The following PDGFC variants were observed in gnomAD, a reference collection of about 807,000 sequenced individuals.
PDGFC encodes the protein platelet-derived growth factor C.
Under a neutral mutation model 35.5 loss-of-function variants are expected in PDGFC, and 12 were observed. That is an observed-to-expected ratio of 0.34 (90% CI 0.22 to 0.55). PDGFC has a LOEUF of 0.55. Ranked by LOEUF, PDGFC falls within the 20% of genes least tolerant of loss-of-function variation. The probability of loss-of-function intolerance (pLI) is 0.91; values close to 1 mark genes in which losing one functional copy is unlikely to be tolerated. For synonymous variants in PDGFC, 159 were observed against 148.8 expected, an observed-to-expected ratio of 1.07 and a Z score of -0.50; for missense variants, 322 against 412.4, an observed-to-expected ratio of 0.78 and a Z score of 1.90.
intron 1 of PDGFC, among the ~76,000 whole-genome samples, chr4:156,948,446 C>A (rs1731999593): frequency 6.6e-6 from 1 of 151,994 alleles, no homozygotes. Flanking sequence ...AATTTTAAAT[C>A]TTAAGCCTGA....
chr4:156,827,199 C>T (rs553836280), intron 2 of PDGFC, among the ~76,000 whole-genome samples: 10 of 152,184 alleles, frequency 6.6e-5, no homozygotes, highest in Non-Finnish European at 1.3e-4. Context: ...GGGCGGAACA[C>T]GAGGTCAGGA....
chr4:156,884,753 A>T (rs993659288), intron 1 of PDGFC, among the ~76,000 whole-genome samples: 35 of 152,360 alleles, frequency 2.3e-4, no homozygotes, highest in African/African-American at 8.4e-4. Flanking sequence ...ATTTGTCTAT[A>T]TCCAAATACA....
chr4:156,848,709 A>G (rs555183873), intron 2 of PDGFC, among the ~76,000 whole-genome samples: 1 of 152,170 alleles, frequency 6.6e-6, no homozygotes, highest in South Asian at 2.1e-4. Context: ...GATCACACAT[A>G]GAGAAATATG....
chr4:156,771,377 T>C (rs1009202879), intron 4 of PDGFC, among the ~76,000 whole-genome samples: 4 of 152,166 alleles, frequency 2.6e-5, no homozygotes, highest in Non-Finnish European at 4.4e-5. Context: ...AAGGGCTCTA[T>C]TCATGGATAT....
intron 1 of PDGFC, among the ~76,000 whole-genome samples, chr4:156,962,291 C>G (rs1404438322): frequency 6.6e-6 from 1 of 152,118 alleles, no homozygotes; most frequent in Non-Finnish European, 1.5e-5. Flanking sequence ...TCAGGCTGTT[C>G]CCTCAGCCTA....
chr4:156,956,394 C>A (rs1732210481), intron 1 of PDGFC, among the ~76,000 whole-genome samples: 1 of 152,018 alleles, frequency 6.6e-6, no homozygotes, highest in South Asian at 2.1e-4. Context: ...CCACTCAAGA[C>A]CTACTAAAAT....
At chr4:156,954,080 C>T (rs1385856061) in intron 1 of PDGFC, among the ~76,000 whole-genome samples, 1 of 151,926 alleles carries the variant, frequency 6.6e-6, no homozygotes, top group African/African-American at 2.4e-5. Flanking sequence ...TAGGCATAAC[C>T]TTGTGCAGTC....
chr4:156,957,892 T>C (rs1371462485), intron 1 of PDGFC, among the ~76,000 whole-genome samples: 1 of 151,982 alleles, frequency 6.6e-6, no homozygotes, highest in Non-Finnish European at 1.5e-5. Context: ...ACTTCCTTAC[T>C]GCGCATATCT....
At chr4:156,840,573 C>T (rs931072365) in intron 2 of PDGFC, among the ~76,000 whole-genome samples, 1 of 152,214 alleles carries the variant, frequency 6.6e-6, no homozygotes, top group South Asian at 2.1e-4. Context: ...CAGAAAGTCC[C>T]CACTGGGGCA....
chr4:156,952,352 T>A (rs1560888371), intron 1 of PDGFC, among the ~76,000 whole-genome samples: 1 of 151,898 alleles, frequency 6.6e-6, no homozygotes, highest in Admixed American at 6.6e-5. Flanking sequence ...TATTTGTTGT[T>A]ATTAAACCGC....
At chr4:156,821,173 G>A (rs1579031439) in intron 2 of PDGFC, among the ~76,000 whole-genome samples, 1 of 85,548 alleles carries the variant, frequency 1.2e-5, no homozygotes, top group Admixed American at 1.1e-4. Flanking sequence ...TGTTGTATGT[G>A]TGTGTGTGTG....
chr4:156,822,358 A>AG (rs2110982054), intron 2 of PDGFC, among the ~76,000 whole-genome samples: 1 of 131,708 alleles, frequency 7.6e-6, no homozygotes, highest in Admixed American at 7.1e-5. Flanking sequence ...AACTGTCTCA[A>AG]AAAAAAAAAA....
intron 2 of PDGFC, among the ~76,000 whole-genome samples, chr4:156,824,925 T>C (rs1035139050): frequency 1.3e-5 from 2 of 152,194 alleles, no homozygotes; most frequent in Non-Finnish European, 2.9e-5. Flanking sequence ...GTAGAGCATA[T>C]ATAGAGTGAG....
At chr4:156,866,621 C>T (rs551809132) in intron 1 of PDGFC, among the ~76,000 whole-genome samples, 2 of 151,926 alleles carry the variant, frequency 1.3e-5, no homozygotes, top group East Asian at 3.9e-4. Context: ...AACTATTGCC[C>T]CAATTGGTAC....
intron 2 of PDGFC, chr4:156,835,984 C>G (rs1007611741): frequency 1.3e-5 from 2 of 152,178 alleles, no homozygotes; most frequent in African/African-American, 4.8e-5. Context: ...GGAACAGGAA[C>G]ATAAACCTCG....
intron 1 of PDGFC, among the ~76,000 whole-genome samples, chr4:156,961,149 ACTCT>A (rs1301273888): frequency 6.6e-6 from 1 of 152,046 alleles, no homozygotes; most frequent in Non-Finnish European, 1.5e-5. Context: ...AGCTTTAATG[ACTCT>A]CAATTTGCAT....
chr4:156,839,155 T>C (rs1274453471), intron 2 of PDGFC, among the ~76,000 whole-genome samples: 9 of 152,192 alleles, frequency 5.9e-5, no homozygotes, highest in Admixed American at 5.9e-4. Flanking sequence ...CCAGCAAGTC[T>C]AGACACATTC....
chr4:156,842,492 G>A (rs900383940), intron 2 of PDGFC, among the ~76,000 whole-genome samples: 8 of 152,000 alleles, frequency 5.3e-5, no homozygotes, highest in African/African-American at 1.7e-4. Context: ...AGGAGGGATT[G>A]CCTTCAATCC....
intron 1 of PDGFC, among the ~76,000 whole-genome samples, chr4:156,929,606 G>A (rs1731502356): frequency 6.6e-6 from 1 of 152,132 alleles, no homozygotes; most frequent in South Asian, 2.1e-4. Context: ...GTTATCCAAA[G>A]AGACAAAATC....
Sources: gnomAD v4.1 joint callset for allele counts (sites outside exome capture counted in the v4.1 genomes callset) on GRCh38, gnomAD v4.1.1 for gene constraint, MANE v1.5 for transcripts, NCBI Gene and HGNC (gene_info 2026-07-23, HGNC 2026-07-21) for gene names.